CDH23: variants seen among roughly 807,000 people sequenced by gnomAD.
CDH23 encodes cadherin related 23, also known as cadherin-23.
In CDH23, 189 loss-of-function variants were observed where a neutral mutation model predicts 317.1. The observed-to-expected ratio is 0.60, with a 90% confidence interval of 0.53 to 0.67. The LOEUF is 0.67. CDH23 is among the 30% of genes least tolerant of loss of function. CDH23 has a pLI of 0.00. For missense variants in CDH23, 4,401 were observed against 4,592.4 expected (o/e 0.96, Z 1.20); for synonymous variants, 1,839 against 1,876.8 (o/e 0.98, Z 0.52).
intron 14 of CDH23, among the ~76,000 whole-genome samples, chr10:71,672,201 C>T (rs1051533205): frequency 6.6e-6 from 1 of 152,026 alleles, no homozygotes; most frequent in African/African-American, 2.4e-5. Flanking sequence ...GGGCGCTGTT[C>T]AAGCGGAGGG....
At chr10:71,690,139 G>A (rs1396534259) in intron 19 of CDH23, among the ~76,000 whole-genome samples, 3 of 152,136 alleles carry the variant, frequency 2.0e-5, no homozygotes, top group African/African-American at 7.2e-5. Flanking sequence ...AGTGACAGTT[G>A]GCCAATCTGA....
chr10:71,732,447 A>C (rs1169259214), intron 32 of CDH23, 72 bp downstream of exon 32: 1 of 1,536,866 alleles, frequency 6.5e-7, no homozygotes, highest in South Asian at 1.2e-5. Context: ...TTCTGTGTGC[A>C]CAGCACTCTC....
intron 14 of CDH23, among the ~76,000 whole-genome samples, chr10:71,653,041 C>T (rs1442175513): frequency 1.3e-5 from 2 of 152,114 alleles, no homozygotes; most frequent in African/African-American, 4.8e-5. Context: ...CGTCTCCTGC[C>T]CTACCCCTCC....
intron 14 of CDH23, among the ~76,000 whole-genome samples, chr10:71,652,304 C>G (rs1038787452): frequency 6.6e-6 from 1 of 152,210 alleles, no homozygotes; most frequent in African/African-American, 2.4e-5. Context: ...ACAAGACATC[C>G]AGGGAGTCCC....
At chr10:71,632,004 G>A (rs768056321) in intron 11 of CDH23, among the ~76,000 whole-genome samples, 1 of 152,188 alleles carries the variant, frequency 6.6e-6, no homozygotes. Context: ...GTAAAGAGAC[G>A]GGACAAAGAA....
At chr10:71,701,324 A>G (rs1303879005) in intron 22 of CDH23, among the ~76,000 whole-genome samples, 1 of 152,168 alleles carries the variant, frequency 6.6e-6, no homozygotes, top group African/African-American at 2.4e-5. Flanking sequence ...AGGAGCCCTC[A>G]AAGGCTGCAG....
At chr10:71,789,232 A>T (rs1841180636) in intron 45 of CDH23, among the ~76,000 whole-genome samples, 190 bp downstream of exon 45, 1 of 152,188 alleles carries the variant, frequency 6.6e-6, no homozygotes, top group Non-Finnish European at 1.5e-5. Flanking sequence ...AGCACAAAGA[A>T]GCCACAGGTC....
Position 71,807,959 on chromosome 10 carries a change from C to G in CDH23, c.8674C>G (p.Arg2892Gly). ...FYSILAIHYFRALANDSEDVG... is the reference protein window; with the variant it reads ...FYSILAIHYFGALANDSEDVG... ...CAGCATTCTGGCCATCCACTACTTCCGGGCCCTTGCCAACGACTCTGAAGA... is the reference window on the plus strand; with the variant it reads ...CAGCATTCTGGCCATCCACTACTTCGGGGCCCTTGCCAACGACTCTGAAGA... Residue 2892 changes from arginine (R) to glycine (G), a missense_variant, in exon 60 of 70, where the codon CGG becomes GGG. Around this residue, in one of 3 missense-constraint regions of CDH23, gnomAD observed 1,144 missense variants for 1,138.2 expected, o/e 1.01. Transcript: ENST00000224721. 1 of 1,600,226 alleles carries G rather than the reference C, an allele frequency of 6.2e-7. No homozygotes were observed. The highest frequency in any genetic ancestry group is 2.3e-5 in the East Asian group (1 of 44,298).
In CDH23 at chr10:71,811,768, T is replaced by G. The variant is rs952227305; in HGVS notation, c.9319+15T>G. 1 of 1,565,582 alleles carries G rather than the reference T, an allele frequency of 6.4e-7. No individual in the cohort carries two copies. Among genetic ancestry groups the G allele is most frequent in the African/African-American group, 1.4e-5 (1 of 73,636 alleles). ...TGGCTCAGCTGGTAAGTGAGGGCCA[T>G]AGTGGGGACACAGGTGAGAAGGCAG... On this transcript the variant is annotated intron_variant, in intron 65 of 69. Coordinates refer to ENST00000224721, the MANE Select transcript of CDH23 (RefSeq NM_022124.6).
chr10:71,627,148 T>G (rs1861774033), intron 11 of CDH23, among the ~76,000 whole-genome samples: 1 of 152,212 alleles, frequency 6.6e-6, no homozygotes, highest in Non-Finnish European at 1.5e-5. Flanking sequence ...TTCCCCATCC[T>G]CTGCCCTGGC....
intron 1 of CDH23, among the ~76,000 whole-genome samples, chr10:71,418,524 C>G (rs1386822853): frequency 6.6e-6 from 1 of 152,190 alleles, no homozygotes; most frequent in Non-Finnish European, 1.5e-5. Flanking sequence ...CCAACTCAAT[C>G]TTGATCTCCC....
intron 35 of CDH23, among the ~76,000 whole-genome samples, chr10:71,739,101 G>T (rs926937763): frequency 2.0e-5 from 3 of 152,180 alleles, no homozygotes; most frequent in African/African-American, 7.2e-5. Flanking sequence ...GCATTAGGCC[G>T]TGTGTTTGCG....
chr10:71,432,567 A>C (rs1849445795), intron 1 of CDH23, among the ~76,000 whole-genome samples: 1 of 151,936 alleles, frequency 6.6e-6, no homozygotes, highest in South Asian at 2.1e-4. Flanking sequence ...TTCAGGCACA[A>C]GTTTTCTTTC....
intron 15 of CDH23, among the ~76,000 whole-genome samples, chr10:71,675,574 T>C (rs374136139): frequency 2.0e-5 from 3 of 152,204 alleles, no homozygotes; most frequent in African/African-American, 4.8e-5. Flanking sequence ...CTCAGTGAAA[T>C]GACAGAAGAA....
In CDH23 at chr10:71,784,370, A is replaced by T; in HGVS notation, c.5452A>T (p.Asn1818Tyr). The T allele has an allele frequency of 1.2e-6, 2 of 1,613,894 alleles. No individual in the cohort carries two copies. The highest frequency in any genetic ancestry group is 2.7e-5 in the African/African-American group (2 of 75,046). ...GGACCGGGAGACCATCGCCTTCTAC[A>T]ACCTGACCATCTGTGCCCGTGACCG... is the stretch of plus-strand genomic sequence containing the variant. ...ELDRETIAFYNLTICARDRGM... is the reference protein window; with the variant it reads ...ELDRETIAFYYLTICARDRGM... Residue 1818 changes from asparagine (N) to tyrosine (Y), a missense_variant, in exon 42 of 70, where the codon AAC (asparagine) becomes TAC (tyrosine). This residue lies in a region of CDH23 where 3,068 missense variants were observed against 3,203.3 expected (regional missense o/e 0.96). Coordinates refer to ENST00000224721, the MANE Select transcript of CDH23 (RefSeq NM_022124.6).
At chr10:71,402,747 A>ACG (rs1491142017) in intron 1 of CDH23, among the ~76,000 whole-genome samples, 9 of 136,190 alleles carry the variant, frequency 6.6e-5, no homozygotes, top group East Asian at 2.2e-4. Flanking sequence ...GTGTGTGTGC[A>ACG]CGCGCGCGCG....
chr10:71,786,541 G>A lies in CDH23; in HGVS notation c.5820+803G>A, dbSNP rs566359466. 4.3e-5 allele frequency among the ~76,000 whole-genome samples: 6 copies of A among 139,726 alleles called. No individual in the cohort carries two copies. In the South Asian group the frequency reaches 1.1e-3, roughly 26 times the overall value. 91.7% of individuals were successfully genotyped at this position (139,726 alleles called of 152,430 possible). The stretch of plus-strand genomic sequence containing the variant: ...GAGTCTCACTCTGTCACCCAAGCTG[G>A]TGTGCAGTGGTGCAATCGTGATCTC... On this transcript the variant is annotated intron_variant, in intron 44 of 69. Transcript: ENST00000224721.
At position 71,806,446 on chromosome 10, in the gene CDH23, T is replaced by A. The variant is rs4747197; in HGVS notation, c.8178+165T>A. 0.28 allele frequency among the ~76,000 whole-genome samples: 41,948 copies of A among 151,602 alleles called. 6,169 individuals carry two copies. Among genetic ancestry groups the A allele is most frequent in the East Asian group, 0.53 (2,730 of 5,146 alleles). On this transcript the variant is annotated intron_variant, in intron 57 of 69. Coordinates refer to ENST00000224721, the MANE Select transcript of CDH23 (RefSeq NM_022124.6). ...AACAACTATTTATTGAGCAGCTGTG[T>A]TACACTATATTGAGCTATATTGAGC... is the stretch of plus-strand genomic sequence containing the variant.
At chr10:71,563,023 C>A (rs1420314763) in intron 6 of CDH23, among the ~76,000 whole-genome samples, 2 of 152,298 alleles carry the variant, frequency 1.3e-5, no homozygotes, top group Admixed American at 1.3e-4. Context: ...AGACCCATCA[C>A]CTAGAGCAGA....
Sources: gnomAD v4.1 joint callset for allele counts (sites outside exome capture counted in the v4.1 genomes callset) on GRCh38, gnomAD v4.1.1 for gene constraint, gnomAD v4.1.1 regional missense constraint, MANE v1.5 for transcripts, NCBI Gene and HGNC (gene_info 2026-07-23, HGNC 2026-07-21) for gene names.